Variants in CPQ observed in about 807,000 individuals in gnomAD.
The protein encoded by CPQ is carboxypeptidase Q, also known as Ser-Met dipeptidase.
In CPQ, 37 loss-of-function variants were observed where a neutral mutation model predicts 45.7. The ratio of observed to expected loss-of-function variants is 0.81; its 90% CI spans 0.62 to 1.07. CPQ has a LOEUF of 1.07. Among genes scored for constraint, CPQ ranks in the 50% least tolerant of loss-of-function variants. CPQ has a pLI of 0.00. For synonymous variants in CPQ, 186 were observed against 205.8 expected, an observed-to-expected ratio of 0.90 and a Z score of 0.82; for missense variants, 537 against 572.9, an observed-to-expected ratio of 0.94 and a Z score of 0.64.
At chr8:96,746,574 C>T (rs1376964912) in intron 1 of CPQ, among the ~76,000 whole-genome samples, 3 of 152,186 alleles carry the variant, frequency 2.0e-5, no homozygotes, top group Admixed American at 6.6e-5. Flanking sequence ...GTAACCATTT[C>T]GCCTTCTTTT....
intron 1 of CPQ, among the ~76,000 whole-genome samples, chr8:96,745,568 G>T (rs1810168849): frequency 1.3e-5 from 2 of 152,100 alleles, no homozygotes; most frequent in South Asian, 4.1e-4. Context: ...TGAGGGAAGG[G>T]CTCATCATCC....
intron 1 of CPQ, among the ~76,000 whole-genome samples, chr8:96,712,889 A>G (rs1809631666): frequency 6.6e-6 from 1 of 151,358 alleles, no homozygotes; most frequent in African/African-American, 2.4e-5. Context: ...TTTTTTTTCT[A>G]TTGCATCATT....
At chr8:96,870,510 T>C (rs931459901) in intron 3 of CPQ, among the ~76,000 whole-genome samples, 7 of 151,990 alleles carry the variant, frequency 4.6e-5, no homozygotes, top group African/African-American at 1.4e-4. Flanking sequence ...ATAGATTCTA[T>C]AGAGGTTAAA....
chr8:96,723,984 A>G (rs1484393051), intron 1 of CPQ, among the ~76,000 whole-genome samples: 2 of 152,012 alleles, frequency 1.3e-5, no homozygotes, highest in Non-Finnish European at 2.9e-5. Flanking sequence ...ACCTACCCTA[A>G]ACAAAATCTG....
chr8:96,918,354 CA>C (rs1384394060), intron 4 of CPQ, among the ~76,000 whole-genome samples: 1 of 152,056 alleles, frequency 6.6e-6, no homozygotes, highest in Non-Finnish European at 1.5e-5. Flanking sequence ...TTCTTTACAA[CA>C]TAGTTATTTC....
At chr8:96,830,999 T>C (rs1371041224) in intron 2 of CPQ, among the ~76,000 whole-genome samples, 1 of 152,204 alleles carries the variant, frequency 6.6e-6, no homozygotes, top group Non-Finnish European at 1.5e-5. Flanking sequence ...GTGAACTTTC[T>C]TCTCTGCACC....
At chr8:96,761,382 G>A (rs1810403524) in intron 1 of CPQ, 1 of 152,358 alleles carries the variant, frequency 6.6e-6, no homozygotes, top group South Asian at 2.1e-4. Context: ...TATGCTCTAA[G>A]CGCCCTTAGT....
chr8:96,744,496 C>G (rs1469228649), intron 1 of CPQ, among the ~76,000 whole-genome samples: 2 of 152,192 alleles, frequency 1.3e-5, no homozygotes, highest in Non-Finnish European at 2.9e-5. Context: ...CATCTTGGCT[C>G]CTCCTCCTAG....
chr8:96,719,066 A>G lies in CPQ; in HGVS notation c.-34-65798A>G, dbSNP rs962452917. On this transcript the variant is annotated intron_variant, in intron 1 of 7. Transcript: ENST00000220763. Reference sequence around the variant, plus strand: ...GGGGCTGCAGGTGGAGCTGCCTGCCAGTCCTGTGCTGTGCGCTCGCACTCC... The same window carrying G: ...GGGGCTGCAGGTGGAGCTGCCTGCCGGTCCTGTGCTGTGCGCTCGCACTCC... Among the ~76,000 whole-genome samples the G allele has an allele frequency of 2.6e-5, 4 of 152,246 alleles. No individual in the cohort carries two copies. The South Asian group carries it at 8.3e-4, about 31-fold the overall frequency.
chr8:96,742,098 G>A (rs377242457), intron 1 of CPQ, among the ~76,000 whole-genome samples: 22,363 of 143,440 alleles, frequency 0.16, 2,077 homozygotes, highest in African/African-American at 0.25. Flanking sequence ...CATTATTAAT[G>A]TGTGGGAGTC....
intron 7 of CPQ, among the ~76,000 whole-genome samples, chr8:97,077,605 T>C (rs908979102): frequency 3.3e-5 from 5 of 152,224 alleles, no homozygotes; most frequent in African/African-American, 1.2e-4. Context: ...GATCTGTGTA[T>C]ACTTTGTGGT....
intron 1 of CPQ, among the ~76,000 whole-genome samples, chr8:96,737,144 A>G (rs1334817309): frequency 1.3e-5 from 2 of 150,464 alleles, no homozygotes; most frequent in African/African-American, 2.4e-5. Flanking sequence ...CAATTTTTAT[A>G]TTATTCCTAT....
At chr8:97,062,353 G>A (rs1810564351) in intron 6 of CPQ, among the ~76,000 whole-genome samples, 2 of 152,146 alleles carry the variant, frequency 1.3e-5, no homozygotes, top group Admixed American at 6.6e-5. Context: ...TGCCTTGGTA[G>A]CCCAGTGTAT....
chr8:96,798,750 T>C (rs1810968153), intron 2 of CPQ, among the ~76,000 whole-genome samples: 1 of 152,044 alleles, frequency 6.6e-6, no homozygotes. Context: ...CCTAAATAAA[T>C]TTAATTGTTC....
intron 6 of CPQ, among the ~76,000 whole-genome samples, chr8:97,042,137 C>T (rs1810138492): frequency 6.6e-6 from 1 of 152,230 alleles, no homozygotes; most frequent in East Asian, 1.9e-4. Context: ...GGTTGGTAAG[C>T]TATTGATTAC....
chr8:96,976,977 A>G (rs1190999029), intron 5 of CPQ, among the ~76,000 whole-genome samples: 4 of 152,176 alleles, frequency 2.6e-5, no homozygotes, highest in Non-Finnish European at 4.4e-5. Context: ...AGCAAATGCA[A>G]CAAAAACAAA....
chr8:96,663,925 A>G (rs1433497090), intron 1 of CPQ, among the ~76,000 whole-genome samples: 1 of 152,200 alleles, frequency 6.6e-6, no homozygotes, highest in Non-Finnish European at 1.5e-5. Context: ...ATTCTTTGGA[A>G]AAGTTGGAGT....
In CPQ at chr8:96,854,557, A is replaced by AAAAAAAAAAAACAC. The variant is rs1554573253; in HGVS notation, c.641+19379_641+19380insAAAAAAAAACACAA. The stretch of plus-strand genomic sequence containing the variant: ...AAAAAAAAAAAAAAAAAAAAAAAAA[A>AAAAAAAAAAAACAC]AATGTGGTGGAACTAAAAGCCCAGT... On this transcript the variant is annotated intron_variant, in intron 3 of 7. Transcript: ENST00000220763. Among the ~76,000 whole-genome samples the AAAAAAAAAAAACAC allele has an allele frequency of 6.5e-5, 5 of 76,866 alleles. 1 individual carries two copies. Among genetic ancestry groups the AAAAAAAAAAAACAC allele is most frequent in the Admixed American group, 2.9e-4 (2 of 6,924 alleles). 50.4% of individuals were successfully genotyped at this position (76,866 alleles called of 152,430 possible). A position where few individuals can be genotyped will look rare whatever the true frequency, so the allele number is the denominator to read the frequency against.
intron 4 of CPQ, among the ~76,000 whole-genome samples, chr8:96,951,227 A>C (rs2130337445): frequency 6.6e-6 from 1 of 152,200 alleles, no homozygotes; most frequent in East Asian, 1.9e-4. Flanking sequence ...GATTATGCTC[A>C]AATGTGATAT....
Sources: allele counts gnomAD v4.1 joint callset (sites outside exome capture counted in the v4.1 genomes callset), GRCh38; gene constraint gnomAD v4.1.1; transcripts MANE v1.5; gene names NCBI Gene and HGNC (gene_info 2026-07-23, HGNC 2026-07-21).